Variants in METTL16 observed in about 807,000 individuals in gnomAD.
METTL16 encodes the protein RNA N(6)-adenosine-methyltransferase METTL16.
A neutral mutation model predicts 57.9 loss-of-function variants in METTL16; 19 were observed. That is an observed-to-expected ratio of 0.33 (90% confidence interval 0.23 to 0.48). The LOEUF is 0.48. Ranked by LOEUF, METTL16 falls within the 20% of genes least tolerant of loss-of-function variation. The pLI, the probability that METTL16 is intolerant of heterozygous loss-of-function variation, is 0.99. For synonymous variants in METTL16, 246 were observed against 255.6 expected, an observed-to-expected ratio of 0.96 and a Z score of 0.36; for missense variants, 434 against 691.5, an observed-to-expected ratio of 0.63 and a Z score of 4.18.
chr17:2,473,656 C>T lies in METTL16; in HGVS notation c.337G>A (p.Ala113Thr). ...LRRGIDIGTG[A>T]SCIYPLLGAT... ...CCAAGTAAGGGGTAGATGCAAGATG[C>T]CCCCGTGCCTAATAAAATAAAAATA... is the stretch of plus-strand genomic sequence containing the variant. Residue 113 changes from alanine to threonine, a missense_variant, in exon 4 of 10, where the codon GCA becomes ACA. Ala to Thr is a moderately conservative substitution (Grantham distance 58, BLOSUM62 0). Coordinates refer to ENST00000263092, the MANE Select transcript of METTL16 (RefSeq NM_024086.4). 1.2e-6 allele frequency: 2 copies of T among 1,612,304 alleles called. No individual in the cohort carries two copies. Among genetic ancestry groups the T allele is most frequent in the Non-Finnish European group, 1.7e-6 (2 of 1,179,526 alleles).
chr17:2,445,989 GACTAAAA>G (rs1237928326), intron 6 of METTL16, among the ~76,000 whole-genome samples: 1 of 151,970 alleles, frequency 6.6e-6, no homozygotes, highest in East Asian at 1.9e-4. Context: ...TGTATTAATG[GACTAAAA>G]AGGACAAACC....
At chr17:2,424,263 G>C (rs577220936) in intron 8 of METTL16, 1 of 150,562 alleles carries the variant, frequency 6.6e-6, no homozygotes, top group Non-Finnish European at 1.5e-5. Context: ...ACAGGCGCCC[G>C]CCACTACGCC....
chr17:2,502,408 T>A (rs1308089125), intron 1 of METTL16, 77 bp from the exon 2 acceptor site: 23 of 1,430,474 alleles, frequency 1.6e-5, no homozygotes, highest in Non-Finnish European at 2.1e-5. Flanking sequence ...CGGTGCCTCA[T>A]GCCTCTAATC....
chr17:2,490,977 G>T (rs991540746), intron 2 of METTL16, among the ~76,000 whole-genome samples: 6 of 152,204 alleles, frequency 3.9e-5, no homozygotes, highest in Non-Finnish European at 8.8e-5. Flanking sequence ...CACCAATGAA[G>T]AGCTGATTGT....
At chr17:2,488,611 C>T (rs1206496152) in intron 2 of METTL16, among the ~76,000 whole-genome samples, 2 of 152,066 alleles carry the variant, frequency 1.3e-5, no homozygotes, top group African/African-American at 4.8e-5. Flanking sequence ...AATCCTGTCA[C>T]GTGCTAGAAC....
chr17:2,461,015 A>C (rs1290640787), intron 6 of METTL16, among the ~76,000 whole-genome samples: 2 of 152,114 alleles, frequency 1.3e-5, no homozygotes, highest in East Asian at 3.9e-4. Flanking sequence ...TGCTCAGTAT[A>C]ATTTTAGTCT....
rs1225959906 is a variant in METTL16 at position 2,454,560 on chromosome 17, ATTATTT to A, written c.728+9642_728+9647del. On this transcript the variant is annotated intron_variant, in intron 6 of 9. Coordinates refer to ENST00000263092, the MANE Select transcript of METTL16 (RefSeq NM_024086.4). ...ACATGGATAAGACTATATTATTATT[ATTATTT>A]TTTTTTTTTTTTTTTTGAGACGGAG... Among the ~76,000 whole-genome samples, 8 of 139,068 alleles carry A rather than the reference ATTATTT, an allele frequency of 5.8e-5. No homozygotes were observed. In the South Asian group the frequency reaches 7.2e-4, roughly 13 times the overall value. The allele number at this position is 139,068 out of a possible 152,430, so 91.2% of individuals were successfully genotyped here.
At chr17:2,443,488 TC>T (rs1471753945) in intron 6 of METTL16, among the ~76,000 whole-genome samples, 1 of 131,990 alleles carries the variant, frequency 7.6e-6, no homozygotes, top group East Asian at 2.0e-4. Context: ...TCATATCATT[TC>T]TTTTTTTTTT....
intron 2 of METTL16, among the ~76,000 whole-genome samples, chr17:2,496,017 G>A (rs2067442522): frequency 6.6e-6 from 1 of 151,536 alleles, no homozygotes; most frequent in Non-Finnish European, 1.5e-5. Flanking sequence ...GGCTGAGGCA[G>A]GAGAATTGCT....
intron 6 of METTL16, among the ~76,000 whole-genome samples, chr17:2,451,005 T>G (rs1222601041): frequency 1.3e-5 from 2 of 152,206 alleles, no homozygotes; most frequent in Non-Finnish European, 2.9e-5. Flanking sequence ...GGTCAAAAAC[T>G]ATTGAAGACT....
rs1259521823 is a variant in METTL16, at chr17:2,486,948, G to A, written c.129-9063C>T. Among the ~76,000 whole-genome samples, 3 of 133,670 alleles carry A rather than the reference G, an allele frequency of 2.2e-5. No individual in the cohort carries two copies. The Admixed American group carries it at 2.6e-4, about 12-fold the overall frequency. 87.7% of individuals were successfully genotyped at this position (133,670 alleles called of 152,430 possible). A position where few individuals can be genotyped will look rare whatever the true frequency, so the allele number is the denominator to read the frequency against. On this transcript the variant is annotated intron_variant, in intron 2 of 9. Coordinates refer to ENST00000263092, the MANE Select transcript of METTL16 (RefSeq NM_024086.4). Reference sequence around the variant, plus strand: ...GAGCCTGGGAGGTGGAGGCTGCAGTGAGCCGAAATTGTACCACTGCACTCC... The same window carrying A: ...GAGCCTGGGAGGTGGAGGCTGCAGTAAGCCGAAATTGTACCACTGCACTCC...
chr17:2,455,983 G>A (rs960856246), intron 6 of METTL16, among the ~76,000 whole-genome samples: 3 of 150,852 alleles, frequency 2.0e-5, no homozygotes, highest in Non-Finnish European at 2.9e-5. Context: ...ACCCTGTCTC[G>A]AAAATTAATT....
chr17:2,446,626 AC>A (rs1312370227), intron 6 of METTL16, among the ~76,000 whole-genome samples: 4 of 115,268 alleles, frequency 3.5e-5, no homozygotes, highest in African/African-American at 6.2e-5. Flanking sequence ...CTCTCCCTCC[AC>A]GGTCTCCTTC....
At chr17:2,506,334 G>A (rs1361374940) in intron 1 of METTL16, among the ~76,000 whole-genome samples, 2 of 144,728 alleles carry the variant, frequency 1.4e-5, no homozygotes, top group South Asian at 2.4e-4. Flanking sequence ...CTCTGATGCC[G>A]AGCCGAAGCT....
intron 8 of METTL16, among the ~76,000 whole-genome samples, chr17:2,435,575 T>C (rs2066903278): frequency 6.6e-6 from 1 of 152,194 alleles, no homozygotes; most frequent in Admixed American, 6.5e-5. Context: ...GCTGGGTTAC[T>C]ACAAATCAGG....
In METTL16 at chr17:2,511,862, T is replaced by C. The variant is rs1269685846; in HGVS notation, c.-104A>G. On this transcript the variant is annotated 5_prime_UTR_variant, in exon 1 of 10. Coordinates refer to ENST00000263092, the MANE Select transcript of METTL16 (RefSeq NM_024086.4). ...GCGAAGCTCCTAGAAACGCAGATGA[T>C]ACGCTCCCAGCGCGCCGCCATCTTG... 2 of 398,548 alleles carry C rather than the reference T, an allele frequency of 5.0e-6. No individual in the cohort carries two copies. The highest frequency in any genetic ancestry group is 3.6e-5 in the East Asian group (1 of 28,070). The allele number at this position is 398,548 out of a possible 1,614,324, so 24.7% of individuals were successfully genotyped here.
At chr17:2,428,088 C>T (rs2066833107) in intron 8 of METTL16, among the ~76,000 whole-genome samples, 1 of 151,762 alleles carries the variant, frequency 6.6e-6, no homozygotes, top group Non-Finnish European at 1.5e-5. Flanking sequence ...AAGGAATCAA[C>T]AAGAACTTGC....
intron 6 of METTL16, among the ~76,000 whole-genome samples, chr17:2,452,997 T>C (rs1318991108): frequency 6.6e-6 from 1 of 152,048 alleles, no homozygotes; most frequent in Non-Finnish European, 1.5e-5. Context: ...GTAGCTGGGA[T>C]TACAGGCATG....
chr17:2,450,787 CAGATTA>C (rs1239513118), intron 6 of METTL16, among the ~76,000 whole-genome samples: 3 of 152,068 alleles, frequency 2.0e-5, no homozygotes, highest in Admixed American at 6.6e-5. Context: ...AGGGAAATTT[CAGATTA>C]AGGGATATAC....
Sources: allele counts gnomAD v4.1 joint callset (sites outside exome capture counted in the v4.1 genomes callset), GRCh38; gene constraint gnomAD v4.1.1; transcripts MANE v1.5; gene names NCBI Gene and HGNC (gene_info 2026-07-23, HGNC 2026-07-21).